Variants in CERK observed in about 807,000 individuals in gnomAD.
CERK encodes ceramide kinase.
A neutral mutation model predicts 63.4 loss-of-function variants in CERK; 39 were observed. That is an observed-to-expected ratio of 0.61 (90% confidence interval 0.48 to 0.80). The LOEUF is 0.80. Ranked by LOEUF, CERK falls within the 30% of genes least tolerant of loss-of-function variation. The pLI, the probability that CERK is intolerant of heterozygous loss-of-function variation, is 0.00. For synonymous variants in CERK, 302 were observed against 280.0 expected, an observed-to-expected ratio of 1.08 and a Z score of -0.78; for missense variants, 670 against 714.1, an observed-to-expected ratio of 0.94 and a Z score of 0.70.
At chr22:46,728,673 C>T (rs1248464561) in intron 1 of CERK, among the ~76,000 whole-genome samples, 1 of 152,234 alleles carries the variant, frequency 6.6e-6, no homozygotes, top group Non-Finnish European at 1.5e-5. Flanking sequence ...TAGCTCTGGA[C>T]AAGATACAAG....
At chr22:46,698,804 G>C (rs1234401343) in intron 8 of CERK, among the ~76,000 whole-genome samples, 1 of 152,184 alleles carries the variant, frequency 6.6e-6, no homozygotes, top group East Asian at 1.9e-4. Context: ...GGGAGGCTGA[G>C]GTGGGAGAAT....
chr22:46,723,541 C>T (rs2082902942), intron 1 of CERK, among the ~76,000 whole-genome samples: 1 of 151,832 alleles, frequency 6.6e-6, no homozygotes, highest in Middle Eastern at 3.4e-3. Context: ...GTTGCTTGAA[C>T]CCGGGAGGCG....
chr22:46,685,502 A>AGGTTGCTG lies in CERK; in HGVS notation c.*1624_*1631dup, dbSNP rs1284576247. 6 of 150,678 alleles carry AGGTTGCTG rather than the reference A, an allele frequency of 4.0e-5. No homozygotes were observed. Among genetic ancestry groups the AGGTTGCTG allele is most frequent in the African/African-American group, 1.4e-4 (6 of 41,426 alleles). The allele number at this position is 150,678 out of a possible 1,614,324, so 9.3% of individuals were successfully genotyped here. ...ACACCAGGCACACTGCCGGCTGCAC[A>AGGTTGCTG]GGTTGCTGGGCACAGGCAGGCACAG... is the stretch of plus-strand genomic sequence containing the variant. On this transcript the variant is annotated 3_prime_UTR_variant, in exon 13 of 13. Coordinates refer to ENST00000216264, the MANE Select transcript of CERK (RefSeq NM_022766.6).
Position 46,720,153 on chromosome 22 carries a change from G to A in CERK, c.312C>T (p.Phe104=). 2 of 1,614,106 alleles carry A rather than the reference G, an allele frequency of 1.2e-6. No homozygotes were observed. Among genetic ancestry groups the A allele is most frequent in the South Asian group, 1.1e-5 (1 of 91,084 alleles). ...RHRWKWAQVT[F]WCPEEQLCHL... ...GACACAGCTGCTCCTCTGGACACCA[G>A]AAAGTCACCTGCGCCCACTTCCAGC... Residue 104 remains phenylalanine (F), a synonymous_variant, in exon 3 of 13, where the codon TTC becomes TTT. Coordinates refer to ENST00000216264, the MANE Select transcript of CERK (RefSeq NM_022766.6).
chr22:46,733,883 A>T (rs973379209), intron 1 of CERK, among the ~76,000 whole-genome samples: 1 of 151,802 alleles, frequency 6.6e-6, no homozygotes, highest in African/African-American at 2.4e-5. Flanking sequence ...CTCTACTAAA[A>T]ATACAAAAAT....
chr22:46,729,086 G>C (rs1338608521), intron 1 of CERK, among the ~76,000 whole-genome samples: 1 of 152,206 alleles, frequency 6.6e-6, no homozygotes, highest in African/African-American at 2.4e-5. Flanking sequence ...AAATTGGCTG[G>C]GTCTGGTGTC....
intron 1 of CERK, among the ~76,000 whole-genome samples, chr22:46,737,141 A>C (rs534448885): frequency 6.6e-6 from 1 of 152,160 alleles, no homozygotes; most frequent in African/African-American, 2.4e-5. Flanking sequence ...TAAAATACAA[A>C]AATTAGCCGG....
At chr22:46,723,791 A>G (rs12157901) in intron 1 of CERK, among the ~76,000 whole-genome samples, 2 of 151,366 alleles carry the variant, frequency 1.3e-5, no homozygotes, top group African/African-American at 2.4e-5. Flanking sequence ...TCCGCTTCCC[A>G]GGTTCAAGTG....
intron 6 of CERK, among the ~76,000 whole-genome samples, chr22:46,706,668 G>C (rs2082814458): frequency 6.6e-6 from 1 of 152,092 alleles, no homozygotes; most frequent in Admixed American, 6.5e-5. Context: ...CAAAGGGAAG[G>C]GATCGTAACC....
chr22:46,707,142 C>T (rs781442362), intron 6 of CERK, among the ~76,000 whole-genome samples: 1 of 152,186 alleles, frequency 6.6e-6, no homozygotes, highest in Admixed American at 6.5e-5. Context: ...GCTCACATCC[C>T]AGAGCTGTGA....
At chr22:46,720,554 G>A (rs1352386140) in intron 2 of CERK, among the ~76,000 whole-genome samples, 1 of 152,062 alleles carries the variant, frequency 6.6e-6, no homozygotes, top group Non-Finnish European at 1.5e-5. Context: ...AAAGTAGCCG[G>A]GTGTGGTGGC....
At chr22:46,726,651 A>C (rs932939772) in intron 1 of CERK, among the ~76,000 whole-genome samples, 1 of 152,234 alleles carries the variant, frequency 6.6e-6, no homozygotes, top group Admixed American at 6.5e-5. Flanking sequence ...TTCATTAAAA[A>C]TTAAAGGTGA....
chr22:46,732,695 A>C (rs2082951233), intron 1 of CERK, among the ~76,000 whole-genome samples: 1 of 152,028 alleles, frequency 6.6e-6, no homozygotes. Context: ...AAGCGTCCTG[A>C]AACTTCCCCA....
Position 46,711,113 on chromosome 22 carries a change from T to A in CERK, c.542A>T (p.Tyr181Phe), listed in dbSNP as rs759930802. ...EHANQAKETL[Y>F]EINIDKYDGI... is the part of the protein sequence containing the mutation. ...GTCGTATTTGTCTATGTTAATCTCATACAGAGTCTCCTTGGCCTGATTAGC... is the reference window on the plus strand; with the variant it reads ...GTCGTATTTGTCTATGTTAATCTCAAACAGAGTCTCCTTGGCCTGATTAGC... Residue 181 changes from tyrosine (Y) to phenylalanine (F), a missense_variant, in exon 5 of 13, where the codon TAT (tyrosine) becomes TTT (phenylalanine). By Grantham distance (22) the Tyr-to-Phe change is conservative. Transcript: ENST00000216264. The A allele has an allele frequency of 1.2e-6, 2 of 1,613,944 alleles. No homozygotes were observed. The highest frequency in any genetic ancestry group is 1.1e-5 in the South Asian group (1 of 91,072).
rs552165706 is a variant in CERK at position 46,707,487 on chromosome 22, G to A, written c.715+356C>T. The stretch of plus-strand genomic sequence containing the variant: ...CTGCCCACACCCACCCCTAACTCCC[G>A]GTTCCTTCAGGTCCAGAAGCCACTT... On this transcript the variant is annotated intron_variant, in intron 6 of 12. Coordinates refer to ENST00000216264, the MANE Select transcript of CERK (RefSeq NM_022766.6). Among the ~76,000 whole-genome samples, 13 of 151,998 alleles carry A rather than the reference G, an allele frequency of 8.6e-5. No homozygotes were observed. The East Asian group carries it at 2.1e-3, about 25-fold the overall frequency.
At chr22:46,716,430 A>T (rs2082866737) in intron 3 of CERK, among the ~76,000 whole-genome samples, 1 of 150,738 alleles carries the variant, frequency 6.6e-6, no homozygotes. Flanking sequence ...ACCTCAGGTG[A>T]TCCACCCGCC....
chr22:46,711,296 C>T (rs983756462), intron 4 of CERK, 147 bp from the exon 5 acceptor site: 16 of 650,500 alleles, frequency 2.5e-5, no homozygotes, highest in African/African-American at 2.4e-4. Flanking sequence ...TTCTACATCG[C>T]TCTTATGGGA....
At chr22:46,707,743 A>C (rs1179006222) in intron 6 of CERK, 100 bp downstream of exon 6, 1 of 1,328,770 alleles carries the variant, frequency 7.5e-7, no homozygotes, top group Admixed American at 2.1e-5. Flanking sequence ...AACTAAACTG[A>C]GTATAATTGG....
At chr22:46,706,224 C>G (rs535199481) in intron 6 of CERK, among the ~76,000 whole-genome samples, 4 of 152,236 alleles carry the variant, frequency 2.6e-5, no homozygotes, top group Non-Finnish European at 4.4e-5. Flanking sequence ...GAGTGAAAGC[C>G]AACCTCCCTG....
Sources: allele counts gnomAD v4.1 joint callset (sites outside exome capture counted in the v4.1 genomes callset), GRCh38; gene constraint gnomAD v4.1.1; transcripts MANE v1.5; gene names NCBI Gene and HGNC (gene_info 2026-07-23, HGNC 2026-07-21).